SEM1: variants seen among roughly 807,000 people sequenced by gnomAD.
SEM1 encodes SEM1 26S proteasome subunit, also known as 26S proteasome complex subunit SEM1.
SEM1 carries 3 observed loss-of-function variants against 12.7 expected under a neutral mutation model. The observed-to-expected ratio is 0.24, with a 90% CI of 0.11 to 0.61. The LOEUF is 0.61. SEM1 is among the 20% of genes least tolerant of loss of function. SEM1 has a pLI of 0.88. For missense variants in SEM1, 59 were observed against 81.3 expected, an observed-to-expected ratio of 0.73 and a Z score of 1.06; for synonymous variants, 30 against 27.8, an observed-to-expected ratio of 1.08 and a Z score of -0.25.
upstream of SEM1, among the ~76,000 whole-genome samples, chr7:96,498,673 G>A (rs1429310788): frequency 6.6e-6 from 1 of 152,124 alleles, no homozygotes; most frequent in Admixed American, 6.6e-5. Context: ...ATTAGCTAAA[G>A]TTTGTCAAAT....
intron 1 of SEM1, among the ~76,000 whole-genome samples, chr7:96,489,020 T>C (rs572999190): frequency 1.3e-5 from 2 of 152,166 alleles, no homozygotes; most frequent in South Asian, 4.2e-4. Context: ...TAGACCTGAA[T>C]AGTAACAAAA....
chr7:96,633,359 A>G (rs886266170), intron 2 of SEM1, among the ~76,000 whole-genome samples: 1 of 152,088 alleles, frequency 6.6e-6, no homozygotes, highest in South Asian at 2.1e-4. Flanking sequence ...TTGGTAAATG[A>G]TGGTGGGAAC....
chr7:96,646,823 C>A (rs1808809731), intron 2 of SEM1, among the ~76,000 whole-genome samples: 1 of 152,150 alleles, frequency 6.6e-6, no homozygotes, highest in Admixed American at 6.6e-5. Context: ...TTGTTAATAG[C>A]TTCTGAGAGG....
At chr7:96,601,496 A>G (rs1584797739) in intron 2 of SEM1, among the ~76,000 whole-genome samples, 1 of 152,210 alleles carries the variant, frequency 6.6e-6, no homozygotes, top group Non-Finnish European at 1.5e-5. Context: ...GGGAATGGCC[A>G]GTGCCCAGTC....
At chr7:96,502,248 C>T (rs1803588634) in intron 3 of SEM1, among the ~76,000 whole-genome samples, 1 of 152,128 alleles carries the variant, frequency 6.6e-6, no homozygotes, top group Non-Finnish European at 1.5e-5. Flanking sequence ...TAAATCAAAT[C>T]CTGATTCTGG....
At chr7:96,520,017 CAAG>C (rs1286553909) in intron 2 of SEM1, among the ~76,000 whole-genome samples, 1 of 151,994 alleles carries the variant, frequency 6.6e-6, no homozygotes, top group Non-Finnish European at 1.5e-5. Context: ...AATGGTCTGC[CAAG>C]AAGATCCTGC....
At chr7:96,652,207 A>G (rs1041429878) in intron 2 of SEM1, among the ~76,000 whole-genome samples, 3 of 152,156 alleles carry the variant, frequency 2.0e-5, no homozygotes, top group Admixed American at 6.6e-5. Context: ...TTATATTGAA[A>G]TAATATTTAT....
At chr7:96,547,364 G>A (rs1455826221) in intron 2 of SEM1, among the ~76,000 whole-genome samples, 3 of 152,120 alleles carry the variant, frequency 2.0e-5, no homozygotes, top group African/African-American at 4.8e-5. Context: ...CTTTATCTGC[G>A]AAAAATCCTG....
At chr7:96,608,173 G>A (rs1807441185) in intron 2 of SEM1, among the ~76,000 whole-genome samples, 1 of 152,174 alleles carries the variant, frequency 6.6e-6, no homozygotes, top group African/African-American at 2.4e-5. Context: ...GGAATAAGAA[G>A]TTACTTGGTA....
At chr7:96,567,062 C>A (rs573509490) in intron 2 of SEM1, among the ~76,000 whole-genome samples, 6 of 151,446 alleles carry the variant, frequency 4.0e-5, no homozygotes, top group African/African-American at 1.5e-4. Context: ...ACTAATGTCA[C>A]GTCAGAAATT....
At chr7:96,607,066 C>T (rs1807402762) in intron 2 of SEM1, among the ~76,000 whole-genome samples, 1 of 152,130 alleles carries the variant, frequency 6.6e-6, no homozygotes, top group South Asian at 2.1e-4. Context: ...CCCTCCATCC[C>T]TCCTTTCTTC....
In SEM1 at chr7:96,662,493, T is replaced by C. The variant is rs144610732; in HGVS notation, c.170+32305A>G. 3.6e-4 allele frequency among the ~76,000 whole-genome samples: 54 copies of C among 151,730 alleles called. No individual in the cohort carries two copies. The East Asian group carries it at 9.5e-3, about 27-fold the overall frequency. ...ATGAGAACACATGGACACATGGAGG[T>C]GAACATCACACGCTGGGGCCTGTCA... On this transcript the variant is annotated intron_variant, in intron 2 of 2. Transcript: ENST00000417009.
chr7:96,642,284 A>T (rs1212175553), intron 2 of SEM1, among the ~76,000 whole-genome samples: 6 of 152,116 alleles, frequency 3.9e-5, no homozygotes, highest in Admixed American at 3.3e-4. Context: ...CCTTTATAGA[A>T]TAACCAGATA....
downstream of SEM1, among the ~76,000 whole-genome samples, chr7:96,685,429 G>A (rs1331530138): frequency 6.6e-6 from 1 of 151,292 alleles, no homozygotes; most frequent in Non-Finnish European, 1.5e-5. Context: ...TAAATTTGCA[G>A]CAAACTTCAT....
At chr7:96,652,669 T>C (rs1414460996) in intron 2 of SEM1, among the ~76,000 whole-genome samples, 1 of 152,226 alleles carries the variant, frequency 6.6e-6, no homozygotes, top group South Asian at 2.1e-4. Context: ...TTAGGAAAAC[T>C]TTCTTTTTCA....
chr7:96,693,712 T>G (rs1002651411), intron 2 of SEM1, among the ~76,000 whole-genome samples: 2 of 151,446 alleles, frequency 1.3e-5, no homozygotes, highest in Non-Finnish European at 2.9e-5. Flanking sequence ...GCTTGGCAGC[T>G]CCTCAAAAAG....
At chr7:96,629,932 T>C (rs1740816340) in intron 2 of SEM1, among the ~76,000 whole-genome samples, 1 of 152,224 alleles carries the variant, frequency 6.6e-6, no homozygotes, top group Non-Finnish European at 1.5e-5. Flanking sequence ...AAGAATTCTG[T>C]GGATTACCAG....
intron 1 of SEM1, among the ~76,000 whole-genome samples, chr7:96,705,715 G>A (rs948027477): frequency 1.3e-5 from 2 of 151,842 alleles, no homozygotes; most frequent in Non-Finnish European, 2.9e-5. Flanking sequence ...AGCTACTAGG[G>A]AGGCTGAGGC....
intron 2 of SEM1, among the ~76,000 whole-genome samples, chr7:96,665,336 G>A (rs931061925): frequency 6.6e-6 from 1 of 152,144 alleles, no homozygotes; most frequent in Non-Finnish European, 1.5e-5. Flanking sequence ...TCAGGGGAGG[G>A]AAGAGATAGA....
Sources: allele counts gnomAD v4.1 joint callset (sites outside exome capture counted in the v4.1 genomes callset), GRCh38; gene constraint gnomAD v4.1.1; transcripts MANE v1.5; gene names NCBI Gene and HGNC (gene_info 2026-07-23, HGNC 2026-07-21).